SLC4A10: variants seen among roughly 807,000 people sequenced by gnomAD.
SLC4A10 encodes sodium-driven chloride bicarbonate exchanger.
In SLC4A10, 42 loss-of-function variants were observed where a neutral mutation model predicts 137.7. The ratio of observed to expected loss-of-function variants is 0.30; its 90% CI spans 0.24 to 0.39. The LOEUF is 0.39. SLC4A10 is among the 10% of genes least tolerant of loss of function. The pLI is 1.00. For synonymous variants in SLC4A10, 474 were observed against 464.1 expected, an observed-to-expected ratio of 1.02 and a Z score of -0.27; for missense variants, 925 against 1,355.0, an observed-to-expected ratio of 0.68 and a Z score of 4.98.
At chr2:161,980,782 G>A (rs1457009615) in intron 26 of SLC4A10, among the ~76,000 whole-genome samples, 4 of 152,158 alleles carry the variant, frequency 2.6e-5, no homozygotes, top group Admixed American at 2.6e-4. Flanking sequence ...TAACTCCTCA[G>A]GGACAGGGAC....
intron 1 of SLC4A10, among the ~76,000 whole-genome samples, chr2:161,679,205 C>G (rs942119915): frequency 2.6e-5 from 4 of 152,076 alleles, no homozygotes; most frequent in African/African-American, 9.7e-5. Context: ...CTCTTGTACT[C>G]TAGGTTGTTT....
intron 1 of SLC4A10, among the ~76,000 whole-genome samples, chr2:161,668,690 T>A (rs2039363117): frequency 6.6e-6 from 1 of 151,922 alleles, no homozygotes; most frequent in Admixed American, 6.6e-5. Flanking sequence ...TATGTTGGAA[T>A]ATATTTAAGT....
chr2:161,946,063 G>T (rs776952568), intron 16 of SLC4A10, among the ~76,000 whole-genome samples: 10 of 151,872 alleles, frequency 6.6e-5, no homozygotes, highest in Non-Finnish European at 1.3e-4. Flanking sequence ...ATTCATTTTT[G>T]CCACCTTATC....
At chr2:161,875,240 A>G (rs1303017748) in intron 8 of SLC4A10, among the ~76,000 whole-genome samples, 1 of 152,178 alleles carries the variant, frequency 6.6e-6, no homozygotes, top group African/African-American at 2.4e-5. Context: ...CAGGTGCATG[A>G]GTTGATATTT....
chr2:161,800,453 C>T (rs1209662029), intron 2 of SLC4A10, among the ~76,000 whole-genome samples: 2 of 151,998 alleles, frequency 1.3e-5, no homozygotes, highest in East Asian at 1.9e-4. Context: ...ATACATCAGT[C>T]GACAAATCAA....
At chr2:161,819,417 T>C (rs1280790685) in intron 3 of SLC4A10, among the ~76,000 whole-genome samples, 2 of 152,168 alleles carry the variant, frequency 1.3e-5, no homozygotes, top group African/African-American at 4.8e-5. Flanking sequence ...ATATATTAAT[T>C]TGTTTAGATG....
intron 3 of SLC4A10, among the ~76,000 whole-genome samples, chr2:161,826,763 C>G (rs999562213): frequency 5.3e-5 from 8 of 152,076 alleles, no homozygotes; most frequent in African/African-American, 1.9e-4. Flanking sequence ...AAAATACAGT[C>G]CATATTCCAA....
In SLC4A10 at chr2:161,844,574, A is replaced by T. The variant is rs1356634288; in HGVS notation, c.416+4647A>T. ...GATATAATAACTCCTTTTGGATGAT[A>T]GACTTACTCTTTTTTTGTTTGGGTA... On this transcript the variant is annotated intron_variant, in intron 4 of 26. Transcript: ENST00000446997. Among the ~76,000 whole-genome samples the T allele has an allele frequency of 2.0e-5, 3 of 152,106 alleles. No homozygotes were observed. In the East Asian group the frequency reaches 5.8e-4, roughly 29 times the overall value.
intron 1 of SLC4A10, among the ~76,000 whole-genome samples, chr2:161,750,066 C>T (rs2048802020): frequency 6.6e-6 from 1 of 151,640 alleles, no homozygotes; most frequent in African/African-American, 2.4e-5. Flanking sequence ...CACTTGTGAT[C>T]CTTTTTATTT....
intron 1 of SLC4A10, among the ~76,000 whole-genome samples, chr2:161,687,734 T>A (rs2041590529): frequency 6.6e-6 from 1 of 152,096 alleles, no homozygotes; most frequent in South Asian, 2.1e-4. Context: ...GGGGGCAATT[T>A]CCCCCATGCT....
intron 19 of SLC4A10, among the ~76,000 whole-genome samples, chr2:161,953,592 G>A (rs1020671224): frequency 6.6e-6 from 1 of 151,454 alleles, no homozygotes; most frequent in African/African-American, 2.4e-5. Context: ...TGGGCGACAG[G>A]GTGAGACTCC....
chr2:161,982,844 G>A (rs907469590), intron 26 of SLC4A10, among the ~76,000 whole-genome samples: 1 of 152,200 alleles, frequency 6.6e-6, no homozygotes, highest in Non-Finnish European at 1.5e-5. Flanking sequence ...TGGGGGCATG[G>A]CTGACATTTT....
At chr2:161,696,885 T>C (rs532236267) in intron 1 of SLC4A10, among the ~76,000 whole-genome samples, 1 of 152,186 alleles carries the variant, frequency 6.6e-6, no homozygotes, top group African/African-American at 2.4e-5. Context: ...CGCCACACTG[T>C]CTTCCACAAT....
chr2:161,891,606 A>G (rs1207981835), intron 10 of SLC4A10, among the ~76,000 whole-genome samples: 1 of 152,034 alleles, frequency 6.6e-6, no homozygotes. Context: ...ATACTTCTGT[A>G]TGCTTCACGA....
In SLC4A10 at chr2:161,804,576, A is replaced by C; in HGVS notation, c.258A>C (p.Gly86=). 2 of 1,611,432 alleles carry C rather than the reference A, an allele frequency of 1.2e-6. No homozygotes were observed. The highest frequency in any genetic ancestry group is 1.7e-6 in the Non-Finnish European group (2 of 1,178,674). ...AAAGAGATTCAGGATTAGAGGATGGAAGGGAGTCACCTTCTTTTGGTAAGA... is the reference window on the plus strand; with the variant it reads ...AAAGAGATTCAGGATTAGAGGATGGCAGGGAGTCACCTTCTTTTGGTAAGA... ...DRERDSGLED[G]RESPSFDTPS... The change falls in exon 3 of 27, where the codon GGA becomes GGC. Residue 86 remains glycine (G), a synonymous_variant. Coordinates refer to ENST00000446997, the MANE Select transcript of SLC4A10 (RefSeq NM_001178015.2).
At chr2:161,728,588 AT>A (rs1478885341) in intron 1 of SLC4A10, among the ~76,000 whole-genome samples, 1 of 152,116 alleles carries the variant, frequency 6.6e-6, no homozygotes, top group Non-Finnish European at 1.5e-5. Context: ...AAAAAAAAAA[AT>A]TCTAGCCAAG....
intron 3 of SLC4A10, among the ~76,000 whole-genome samples, chr2:161,805,712 C>T (rs1272658443): frequency 6.6e-6 from 1 of 152,226 alleles, no homozygotes; most frequent in African/African-American, 2.4e-5. Context: ...TGGTCTTGGG[C>T]AGCTCTGCCC....
intron 1 of SLC4A10, among the ~76,000 whole-genome samples, chr2:161,768,044 A>C (rs1265153454): frequency 6.6e-6 from 1 of 152,014 alleles, no homozygotes; most frequent in African/African-American, 2.4e-5. Context: ...CTTCTTTCCT[A>C]GCATCTTAGT....
chr2:161,628,404 G>T (rs1199522172), intron 1 of SLC4A10, among the ~76,000 whole-genome samples: 2 of 151,964 alleles, frequency 1.3e-5, no homozygotes, highest in African/African-American at 4.8e-5. Context: ...GATGATATAG[G>T]ATAGATGATT....
Sources: allele counts gnomAD v4.1 joint callset (sites outside exome capture counted in the v4.1 genomes callset), GRCh38; gene constraint gnomAD v4.1.1; transcripts MANE v1.5; gene names NCBI Gene and HGNC (gene_info 2026-07-23, HGNC 2026-07-21).